HS2ST1: variants seen among roughly 807,000 people sequenced by gnomAD.
HS2ST1 encodes heparan sulfate 2-O-sulfotransferase 1, also known as 2-O-sulfotransferase.
A neutral mutation model predicts 42.9 loss-of-function variants in HS2ST1; 18 were observed. That is an observed-to-expected ratio of 0.42 (90% confidence interval 0.29 to 0.62). The LOEUF is 0.62. HS2ST1 is among the 20% of genes least tolerant of loss of function. The pLI, the probability that HS2ST1 is intolerant of heterozygous loss-of-function variation, is 0.21. For synonymous variants in HS2ST1, 146 were observed against 152.9 expected (o/e 0.95, Z 0.33); for missense variants, 334 against 433.8 (o/e 0.77, Z 2.04).
chr1:86,937,864 T>C (rs1393385288), intron 1 of HS2ST1, among the ~76,000 whole-genome samples: 1 of 152,116 alleles, frequency 6.6e-6, no homozygotes, highest in Non-Finnish European at 1.5e-5. Context: ...CCTGTCCTAC[T>C]CTTATTTCAG....
chr1:86,989,387 A>G (rs972897851), intron 1 of HS2ST1, among the ~76,000 whole-genome samples: 56 of 152,228 alleles, frequency 3.7e-4, no homozygotes, highest in African/African-American at 1.2e-3. Flanking sequence ...TTTCACATTC[A>G]GGACAGTATA....
chr1:87,019,656 T>C (rs1011409901), intron 1 of HS2ST1, among the ~76,000 whole-genome samples: 5 of 152,234 alleles, frequency 3.3e-5, no homozygotes, highest in Non-Finnish European at 7.4e-5. Context: ...AGGAAATCTG[T>C]AGCTAAATAT....
At chr1:86,967,362 C>T (rs138055573) in intron 1 of HS2ST1, among the ~76,000 whole-genome samples, 2 of 152,144 alleles carry the variant, frequency 1.3e-5, no homozygotes, top group African/African-American at 2.4e-5. Flanking sequence ...TGGATTATAT[C>T]GTGGTGAATT....
intron 1 of HS2ST1, among the ~76,000 whole-genome samples, chr1:86,922,389 A>T (rs1203008682): frequency 6.6e-6 from 1 of 150,558 alleles, no homozygotes; most frequent in Non-Finnish European, 1.5e-5. Context: ...AAATTTGCTG[A>T]CATATTTACC....
intron 1 of HS2ST1, among the ~76,000 whole-genome samples, chr1:86,982,021 C>T (rs1570462233): frequency 6.6e-6 from 1 of 152,242 alleles, no homozygotes; most frequent in African/African-American, 2.4e-5. Context: ...GGTTCCCAAA[C>T]ATCAGTTCTT....
chr1:87,018,132 C>CCACACACACACA (rs56401098), intron 1 of HS2ST1, among the ~76,000 whole-genome samples: 54 of 149,238 alleles, frequency 3.6e-4, no homozygotes, highest in African/African-American at 1.1e-3. Flanking sequence ...TAAATAAAAG[C>CCACACACACACA]CACACACACA....
chr1:87,102,521 GAGTT>G (rs1461421952), intron 5 of HS2ST1, among the ~76,000 whole-genome samples: 1 of 152,174 alleles, frequency 6.6e-6, no homozygotes, highest in Non-Finnish European at 1.5e-5. Flanking sequence ...TTCAGAATGA[GAGTT>G]AGAGGGAACA....
At chr1:87,055,985 T>G (rs1407862410) in intron 1 of HS2ST1, among the ~76,000 whole-genome samples, 2 of 152,192 alleles carry the variant, frequency 1.3e-5, no homozygotes, top group Admixed American at 1.3e-4. Flanking sequence ...GTAAAGCACT[T>G]GTGTGATTGA....
chr1:86,955,194 T>A (rs1647641706), intron 1 of HS2ST1, among the ~76,000 whole-genome samples: 1 of 152,192 alleles, frequency 6.6e-6, no homozygotes, highest in Admixed American at 6.5e-5. Flanking sequence ...AAACTTTTCT[T>A]AGTGCTTATT....
At position 86,981,695 on chromosome 1, in the gene HS2ST1, G is replaced by A. The variant is rs150825552; in HGVS notation, c.124+66535G>A. Among the ~76,000 whole-genome samples the A allele has an allele frequency of 4.6e-3, 701 of 152,364 alleles. 4 individuals are homozygous for A. The highest frequency in any genetic ancestry group is 0.02 in the Middle Eastern group (6 of 294). ...AAGGGATAGGCTCCCACGGCCTTGGGCACTCTGCCCTTGTGGCTCTGCAGG... is the reference window on the plus strand; with the variant it reads ...AAGGGATAGGCTCCCACGGCCTTGGACACTCTGCCCTTGTGGCTCTGCAGG... On this transcript the variant is annotated intron_variant, in intron 1 of 6. Transcript: ENST00000370550.
rs138037298 is a variant in HS2ST1 at position 87,066,556 on chromosome 1, A to T, written c.125-6378A>T. ...TTTGACTTCCCAACAACTTTTTTAA[A>T]AAATTTTTATCTTAAAAAATTTTTT... On this transcript the variant is annotated intron_variant, in intron 1 of 6. Transcript: ENST00000370550. Among the ~76,000 whole-genome samples, 791 of 152,256 alleles carry T rather than the reference A, an allele frequency of 5.2e-3. 4 individuals are homozygous for T. The highest frequency in any genetic ancestry group is 0.024 in the Middle Eastern group (7 of 294).
intron 1 of HS2ST1, among the ~76,000 whole-genome samples, chr1:87,000,570 C>G (rs768270665): frequency 1.6e-4 from 25 of 152,260 alleles, no homozygotes; most frequent in South Asian, 2.1e-4. Context: ...ACGCAAAAGA[C>G]TTCCTGTTCC....
At chr1:87,103,751 CTG>C (rs779155233) in intron 6 of HS2ST1, among the ~76,000 whole-genome samples, 162 bp downstream of exon 6, 2 of 152,204 alleles carry the variant, frequency 1.3e-5, no homozygotes, top group East Asian at 1.9e-4. Context: ...AATTGAGTAA[CTG>C]TGAATTAGGT....
intron 1 of HS2ST1, among the ~76,000 whole-genome samples, chr1:86,930,406 A>G (rs890952651): frequency 1.3e-5 from 2 of 151,940 alleles, no homozygotes; most frequent in African/African-American, 4.8e-5. Context: ...GAAAGACAGA[A>G]TGGAGAAACA....
chr1:87,015,348 GTT>G (rs35791774), intron 1 of HS2ST1, among the ~76,000 whole-genome samples: 14 of 131,730 alleles, frequency 1.1e-4, no homozygotes, highest in Admixed American at 3.9e-4. Flanking sequence ...GCCTGGCCCT[GTT>G]TTTTTTTTTT....
chr1:86,916,497 G>T (rs1427811207), intron 1 of HS2ST1, among the ~76,000 whole-genome samples: 1 of 152,182 alleles, frequency 6.6e-6, no homozygotes, highest in Non-Finnish European at 1.5e-5. Flanking sequence ...AGCCTTGAAA[G>T]AAAAACCATC....
intron 4 of HS2ST1, among the ~76,000 whole-genome samples, chr1:87,093,034 C>A (rs1158233138): frequency 6.6e-6 from 1 of 151,934 alleles, no homozygotes; most frequent in Non-Finnish European, 1.5e-5. Flanking sequence ...AGTTTAAGGA[C>A]ACTATTTTGC....
At chr1:86,918,265 A>C (rs1394833850) in intron 1 of HS2ST1, among the ~76,000 whole-genome samples, 1 of 152,108 alleles carries the variant, frequency 6.6e-6, no homozygotes, top group East Asian at 1.9e-4. Flanking sequence ...TTAAAAAACA[A>C]ATATGGCATT....
At chr1:87,073,348 A>AC in intron 2 of HS2ST1, among the ~76,000 whole-genome samples, 176 bp downstream of exon 2, 1 of 152,234 alleles carries the variant, frequency 6.6e-6, no homozygotes, top group East Asian at 1.9e-4. Context: ...AGTATTTGAC[A>AC]CATTTCCTTG....
Sources: allele counts gnomAD v4.1 joint callset (sites outside exome capture counted in the v4.1 genomes callset), GRCh38; gene constraint gnomAD v4.1.1; transcripts MANE v1.5; gene names NCBI Gene and HGNC (gene_info 2026-07-23, HGNC 2026-07-21).